The following DYNC1H1 variants were observed in gnomAD, a reference collection of about 807,000 sequenced individuals.
DYNC1H1 encodes cytoplasmic dynein 1 heavy chain 1.
A neutral mutation model predicts 527.1 loss-of-function variants in DYNC1H1; 51 were observed. The ratio of observed to expected loss-of-function variants is 0.10; its 90% CI spans 0.08 to 0.12. The LOEUF (loss-of-function observed/expected upper bound fraction) is 0.12. Among genes scored for constraint, DYNC1H1 ranks in the 10% least tolerant of loss-of-function variants. The pLI, the probability that DYNC1H1 is intolerant of heterozygous loss-of-function variation, is 1.00. For missense variants in DYNC1H1, 2,771 were observed against 5,971.8 expected (o/e 0.46, Z 17.66); for synonymous variants, 2,189 against 2,278.8 (o/e 0.96, Z 1.12).
Position 102,040,406 on chromosome 14 carries a change from A to G in DYNC1H1, c.11861A>G (p.Asp3954Gly). ...FKDLIAKVQA[D>G]EQFGIWLDSS... ...GACTTGATTGCAAAGGTTCAGGCAGACGAGGTGATTGTTCTCTTGAATGTT... is the reference window on the plus strand; with the variant it reads ...GACTTGATTGCAAAGGTTCAGGCAGGCGAGGTGATTGTTCTCTTGAATGTT... Residue 3954 changes from aspartate (D) to glycine (G), a missense_variant, in exon 63 of 78, where the codon GAC becomes GGC. This residue lies in a region of DYNC1H1 where 120 missense variants were observed against 161.9 expected (regional missense o/e 0.74). Coordinates refer to ENST00000360184, the MANE Select transcript of DYNC1H1 (RefSeq NM_001376.5). The G allele has an allele frequency of 6.2e-7, 1 of 1,614,200 alleles. No individual in the cohort carries two copies. The highest frequency in any genetic ancestry group is 8.5e-7 in the Non-Finnish European group (1 of 1,180,030).
rs748606035 is a variant in DYNC1H1 at position 102,039,098 on chromosome 14, C to T, written c.11304C>T (p.Thr3768=). 9.9e-6 allele frequency: 16 copies of T among 1,614,204 alleles called. No homozygotes were observed. The highest frequency in any genetic ancestry group is 1.2e-5 in the Non-Finnish European group (14 of 1,180,046). The change falls in exon 60 of 78, where the codon ACC becomes ACT. Residue 3768 remains threonine, a synonymous_variant. Coordinates refer to ENST00000360184, the MANE Select transcript of DYNC1H1 (RefSeq NM_001376.5). This position sits in a 1 kb window ranked among gnomAD's most constrained non-coding sequence, Gnocchi z 7.0. ...TTTTGGATGACGACACGATCATAACCACTCTGGAGAACCTGAAGAGAGAGG... is the reference window on the plus strand; with the variant it reads ...TTTTGGATGACGACACGATCATAACTACTCTGGAGAACCTGAAGAGAGAGG... The part of the protein sequence containing the change: ...GRILDDDTII[T]TLENLKREAA...
intron 1 of DYNC1H1, among the ~76,000 whole-genome samples, chr14:101,967,962 A>G (rs982660168): frequency 1.3e-5 from 2 of 152,134 alleles, no homozygotes; most frequent in African/African-American, 4.8e-5. Flanking sequence ...AAAAAGAGAA[A>G]CCTTTGTATA....
At chr14:102,006,400 A>G (rs1199473607) in intron 27 of DYNC1H1, among the ~76,000 whole-genome samples, 1 of 151,564 alleles carries the variant, frequency 6.6e-6, no homozygotes, top group African/African-American at 2.4e-5. Context: ...ACACCAGGCT[A>G]ATTTTTGTAT....
At position 102,039,676 on chromosome 14, in the gene DYNC1H1, G is replaced by C. The variant is rs144177631; in HGVS notation, c.11634G>C (p.Gln3878His). 1.2e-6 allele frequency: 2 copies of C among 1,614,184 alleles called. No individual in the cohort carries two copies. The highest frequency in any genetic ancestry group is 2.7e-5 in the African/African-American group (2 of 75,044). The stretch of plus-strand genomic sequence containing the variant: ...GAGTGGCTCGAGGCATGCTGCATCA[G>C]GACCACATTACCTTTGCCATGCTGC... The part of the protein sequence containing the change: ...FNRVARGMLH[Q>H]DHITFAMLLA... Residue 3878 changes from glutamine to histidine, a missense_variant, in exon 62 of 78, where the codon CAG (glutamine) becomes CAC (histidine). By Grantham distance (24) the Gln-to-His change is conservative. This residue lies in a region of DYNC1H1 where 283 missense variants were observed against 737.6 expected (regional missense o/e 0.38). Coordinates refer to ENST00000360184, the MANE Select transcript of DYNC1H1 (RefSeq NM_001376.5). This position sits in a 1 kb window ranked among gnomAD's most constrained non-coding sequence, Gnocchi z 7.0.
intron 2 of DYNC1H1, among the ~76,000 whole-genome samples, chr14:101,976,516 T>G (rs2047802893): frequency 6.6e-6 from 1 of 151,262 alleles, no homozygotes; most frequent in Non-Finnish European, 1.5e-5. Flanking sequence ...CACTCCAGCC[T>G]TGGCAACAAG....
rs2048818871 is a variant in DYNC1H1 at position 102,052,075 on chromosome 14, A to G, written c.*1512A>G. ...ACTCCTGGCATTAAGGGCTCCTCCT[A>G]TCTCAGCCTCTCAAAGTGCCGGGGT... On this transcript the variant is annotated 3_prime_UTR_variant, in exon 78 of 78. Coordinates refer to ENST00000360184, the MANE Select transcript of DYNC1H1 (RefSeq NM_001376.5). 1 of 152,190 alleles carries G rather than the reference A, an allele frequency of 6.6e-6. No individual in the cohort carries two copies. Among genetic ancestry groups the G allele is most frequent in the Non-Finnish European group, 1.5e-5 (1 of 68,024 alleles). 9.4% of individuals were successfully genotyped at this position (152,190 alleles called of 1,614,324 possible). A position where few individuals can be genotyped will look rare whatever the true frequency, so the allele number is the denominator to read the frequency against.
rs1567023451 is a variant in DYNC1H1, at chr14:102,044,222, C to T, written c.12685-52C>T. ...AGCTGTGCCCCTCGAAAGGAAGCCCCGGGCCTGCCCGCCTCTGACCACACA... is the reference window on the plus strand; with the variant it reads ...AGCTGTGCCCCTCGAAAGGAAGCCCTGGGCCTGCCCGCCTCTGACCACACA... On this transcript the variant is annotated intron_variant, in intron 70 of 77. Transcript: ENST00000360184. This position sits in a 1 kb window ranked among gnomAD's most constrained non-coding sequence, Gnocchi z 7.1. 2.0e-5 allele frequency: 32 copies of T among 1,607,264 alleles called. No individual in the cohort carries two copies. The highest frequency in any genetic ancestry group is 3.3e-5 in the South Asian group (3 of 90,490).
Position 101,985,950 on chromosome 14 carries a change from C to A in DYNC1H1, c.1725C>A (p.Ala575=). Reference sequence around the variant, plus strand: ...GCCTTCGGGATCAGCTTGGCACAGCCAAGAATGCCAACGAGATGTTTAGGA... The same window carrying A: ...GCCTTCGGGATCAGCTTGGCACAGCAAAGAATGCCAACGAGATGTTTAGGA... ...TARLRDQLGT[A]KNANEMFRIF... The change falls in exon 8 of 78, where the codon GCC becomes GCA. Residue 575 remains alanine (A), a synonymous_variant. Transcript: ENST00000360184. The surrounding 1 kb of genome is among the most constrained non-coding windows in gnomAD (Gnocchi z 5.9). The A allele has an allele frequency of 6.2e-7, 1 of 1,614,172 alleles. No individual in the cohort carries two copies. Among genetic ancestry groups the A allele is most frequent in the Non-Finnish European group, 8.5e-7 (1 of 1,180,048 alleles).
chr14:102,010,122 T>G lies in DYNC1H1; in HGVS notation c.6221+36T>G, dbSNP rs1339294627. On this transcript the variant is annotated intron_variant, in intron 30 of 77. Coordinates refer to ENST00000360184, the MANE Select transcript of DYNC1H1 (RefSeq NM_001376.5). The surrounding 1 kb of genome is among the most constrained non-coding windows in gnomAD (Gnocchi z 6.0). Reference sequence around the variant, plus strand: ...TAGAATTCTTCATAATCATGTTTCTTGCATATGTTAAATGTGTCCATTTAA... The same window carrying G: ...TAGAATTCTTCATAATCATGTTTCTGGCATATGTTAAATGTGTCCATTTAA... 2 of 1,613,388 alleles carry G rather than the reference T, an allele frequency of 1.2e-6. No homozygotes were observed. The highest frequency in any genetic ancestry group is 3.3e-5 in the Admixed American group (2 of 60,024).
chr14:102,006,055 C>T lies in DYNC1H1; in HGVS notation c.5601C>T (p.Asn1867=). The T allele has an allele frequency of 6.2e-7, 1 of 1,614,214 alleles. No individual in the cohort carries two copies. Among genetic ancestry groups the T allele is most frequent in the Non-Finnish European group, 8.5e-7 (1 of 1,180,038 alleles). Residue 1867 remains asparagine, a synonymous_variant, in exon 27 of 78, where the codon AAC becomes AAT. Transcript: ENST00000360184. ...LSIQMANAKF[N]YGFEYLGVQD... is the part of the protein sequence containing the mutation. ...TTCAAATGGCAAATGCCAAATTTAA[C>T]TATGGCTTTGAGTACCTGGGTGTTC...
chr14:102,018,289 A>G lies in DYNC1H1; in HGVS notation c.8178-162A>G, dbSNP rs2048348320. ...TGTGTGTCAGACCCCAAGCCTGAGC[A>G]GCGTGTGTGTGATCTCAGCTAACAC... is the stretch of plus-strand genomic sequence containing the variant. On this transcript the variant is annotated intron_variant, in intron 40 of 77. Coordinates refer to ENST00000360184, the MANE Select transcript of DYNC1H1 (RefSeq NM_001376.5). This position sits in a 1 kb window ranked among gnomAD's most constrained non-coding sequence, Gnocchi z 5.2. 6.6e-6 allele frequency among the ~76,000 whole-genome samples: 1 copy of G among 152,158 alleles called. No homozygotes were observed. The highest frequency in any genetic ancestry group is 2.4e-5 in the African/African-American group (1 of 41,444).
intron 15 of DYNC1H1, among the ~76,000 whole-genome samples, chr14:101,996,642 A>T (rs775419176): frequency 3.3e-5 from 5 of 151,604 alleles, no homozygotes; most frequent in Non-Finnish European, 7.4e-5. Context: ...GTTTTGTTTG[A>T]GGCAGCATCT....
chr14:102,048,673 CGT>C lies in DYNC1H1; in HGVS notation c.13372+6_13372+7del. On this transcript the variant is annotated splice_donor_5th_base_variant and intron_variant, in intron 74 of 77. Transcript: ENST00000360184. ...CTGATCAACGAGCTAGTGAAAGGTG[CGT>C]GAGAGGCCGAACTCGTGGTGTGGCT... 1 of 1,612,366 alleles carries C rather than the reference CGT, an allele frequency of 6.2e-7. No homozygotes were observed. The highest frequency in any genetic ancestry group is 8.5e-7 in the Non-Finnish European group (1 of 1,179,852).
chr14:101,964,584 G>T lies in DYNC1H1; in HGVS notation c.-108G>T. 3.9e-6 allele frequency: 6 copies of T among 1,522,192 alleles called. No individual in the cohort carries two copies. Among genetic ancestry groups the T allele is most frequent in the Non-Finnish European group, 5.3e-6 (6 of 1,139,580 alleles). The allele number at this position is 1,522,192 out of a possible 1,614,324, so 94.3% of individuals were successfully genotyped here. A position where few individuals can be genotyped will look rare whatever the true frequency, so the allele number is the denominator to read the frequency against. On this transcript the variant is annotated 5_prime_UTR_variant, in exon 1 of 78. Coordinates refer to ENST00000360184, the MANE Select transcript of DYNC1H1 (RefSeq NM_001376.5). The surrounding 1 kb of genome is among the most constrained non-coding windows in gnomAD (Gnocchi z 5.5). ...CTCCCGCTCTCCTCAGTCTGCGGTG[G>T]GCTAGCGGACGGTCCGGCTTCCGGC...
chr14:102,019,976 G>T lies in DYNC1H1; in HGVS notation c.8427G>T (p.Ala2809=), dbSNP rs534435923. 5.6e-6 allele frequency: 9 copies of T among 1,614,056 alleles called. No individual in the cohort carries two copies. Among genetic ancestry groups the T allele is most frequent in the Non-Finnish European group, 7.6e-6 (9 of 1,180,032 alleles). ...GGTGGGTGAGAGGCATCTTTGAAGC[G>T]CTGAGACCTCTGGAGACCCTGCCTG... ...MTRWVRGIFE[A]LRPLETLPVE... Residue 2809 remains alanine, a synonymous_variant, in exon 42 of 78, where the codon GCG becomes GCT. Coordinates refer to ENST00000360184, the MANE Select transcript of DYNC1H1 (RefSeq NM_001376.5).
At chr14:101,987,397 A>G in intron 8 of DYNC1H1, 56 bp from the exon 9 acceptor site, 1 of 1,534,312 alleles carries the variant, frequency 6.5e-7, no homozygotes. Flanking sequence ...GTTATGTGAG[A>G]ATAAAGGAAC....
chr14:102,009,748 CGA>C, intron 29 of DYNC1H1, 93 bp from the exon 30 acceptor site: 1 of 1,592,280 alleles, frequency 6.3e-7, no homozygotes, highest in Non-Finnish European at 8.6e-7. Context: ...CCTGGGAGAA[CGA>C]GAGCTTTGTC....
chr14:102,034,251 GCA>G, intron 55 of DYNC1H1, 63 bp downstream of exon 55: 9 of 1,614,176 alleles, frequency 5.6e-6, no homozygotes, highest in Non-Finnish European at 7.6e-6. Flanking sequence ...GGTGTTTAGT[GCA>G]CAGTTAGAGT....
At chr14:102,040,166 A>G (rs1253851480) in intron 62 of DYNC1H1, 70 bp from the exon 63 acceptor site, 1 of 1,595,120 alleles carries the variant, frequency 6.3e-7, no homozygotes, top group African/African-American at 1.3e-5. Flanking sequence ...TTCTTAAATC[A>G]CAGCTGTTAT....
Sources: allele counts gnomAD v4.1 joint callset (sites outside exome capture counted in the v4.1 genomes callset), GRCh38; gene constraint gnomAD v4.1.1; regional missense constraint gnomAD v4.1.1; non-coding constraint Gnocchi (gnomAD v3.1); transcripts MANE v1.5; gene names NCBI Gene and HGNC (gene_info 2026-07-23, HGNC 2026-07-21).